Variants in GNAT2 observed in about 807,000 individuals in gnomAD.
The protein encoded by GNAT2 is guanine nucleotide-binding protein G(t) subunit alpha-2.
GNAT2 carries 32 observed loss-of-function variants against 40.9 expected under a neutral mutation model. The observed-to-expected ratio is 0.78, with a 90% CI of 0.59 to 1.05. The LOEUF (loss-of-function observed/expected upper bound fraction) is 1.05, where lower values mean the gene tolerates loss of function less well. GNAT2 is among the 50% of genes least tolerant of loss of function. GNAT2 has a pLI of 0.00. For missense variants in GNAT2, 355 were observed against 431.5 expected, an observed-to-expected ratio of 0.82 and a Z score of 1.57; for synonymous variants, 141 against 157.2, an observed-to-expected ratio of 0.90 and a Z score of 0.77.
intron 4 of GNAT2, 123 bp from the exon 5 acceptor site, chr1:109,608,911 C>G: frequency 1.3e-6 from 1 of 793,612 alleles, no homozygotes; most frequent in Admixed American, 2.0e-5. Flanking sequence ...GAAGCAGTAT[C>G]CAGTGAAGAT....
Position 109,610,520 on chromosome 1 carries a change from A to T in GNAT2, c.119-13T>A. The T allele has an allele frequency of 6.2e-7, 1 of 1,612,638 alleles. No homozygotes were observed. The highest frequency in any genetic ancestry group is 8.5e-7 in the Non-Finnish European group (1 of 1,178,784). On this transcript the variant is annotated splice_polypyrimidine_tract_variant and intron_variant, in intron 2 of 8. Coordinates refer to ENST00000679935, the MANE Select transcript of GNAT2 (RefSeq NM_001377295.2). ...GACTCCCCAGCACCTGGAAGGAAAA[A>T]TGCTTATGCTTTCGATTTCCACCAG... is the stretch of plus-strand genomic sequence containing the variant.
chr1:109,611,135 T>G (rs1649777829), intron 2 of GNAT2: 1 of 159,340 alleles, frequency 6.3e-6, no homozygotes, highest in Non-Finnish European at 1.4e-5. Flanking sequence ...CTCAGTCTCC[T>G]GAGTAGTTGG....
Position 109,606,142 on chromosome 1 carries a change from C to T in GNAT2, c.591-43G>A, listed in dbSNP as rs72987059. 17,917 of 1,610,496 alleles carry T rather than the reference C, an allele frequency of 0.011. 1,441 individuals carry two copies. The African/African-American group carries it at 0.19, about 17-fold the overall frequency. On this transcript the variant is annotated intron_variant, in intron 6 of 8. Transcript: ENST00000679935. ...TATTTTCATAGGTATGCCCAACATA[C>T]GACCTATATGCCTTTGATGGTCACC... is the stretch of plus-strand genomic sequence containing the variant.
chr1:109,606,553 G>T, intron 5 of GNAT2, 117 bp from the exon 6 acceptor site: 1 of 837,328 alleles, frequency 1.2e-6, no homozygotes, highest in Non-Finnish European at 2.0e-6. Flanking sequence ...AGGACTAGAA[G>T]CCATATTGTT....
chr1:109,604,299 T>C lies in GNAT2; in HGVS notation c.721-195A>G. On this transcript the variant is annotated intron_variant, in intron 7 of 8. Transcript: ENST00000679935. ...TAGTTCCCTATCTTTCTAATAGCTG[T>C]GTGACTTGTGGAAAATTATTGAGCT... The C allele has an allele frequency of 6.7e-6, 4 of 598,780 alleles. No homozygotes were observed. In the South Asian group the frequency reaches 7.7e-5, roughly 12 times the overall value. 37.1% of individuals were successfully genotyped at this position (598,780 alleles called of 1,614,324 possible). A position where few individuals can be genotyped will look rare whatever the true frequency, so the allele number is the denominator to read the frequency against.
intron 5 of GNAT2, chr1:109,608,426 T>C (rs528205737): frequency 1.9e-4 from 122 of 632,764 alleles, no homozygotes; most frequent in Non-Finnish European, 3.2e-4. Flanking sequence ...TAGAAAGTCA[T>C]GACAACTGTG....
intron 2 of GNAT2, chr1:109,610,956 T>C (rs1396130204): frequency 1.2e-5 from 3 of 242,150 alleles, no homozygotes; most frequent in South Asian, 5.2e-5. Flanking sequence ...TGGGGTAGGA[T>C]TGGAGAGAGC....
At chr1:109,605,629 G>T in intron 7 of GNAT2, 1 of 344,478 alleles carries the variant, frequency 2.9e-6, no homozygotes, top group East Asian at 7.4e-5. Context: ...TAGGCAATTT[G>T]GGAGAGTACT....
At chr1:109,606,563 T>A in intron 5 of GNAT2, 127 bp from the exon 6 acceptor site, 1 of 788,886 alleles carries the variant, frequency 1.3e-6, no homozygotes, top group Non-Finnish European at 2.2e-6. Flanking sequence ...GCCATATTGT[T>A]AAATTTAGGA....
intron 5 of GNAT2, 175 bp from the exon 6 acceptor site, chr1:109,606,611 G>T: frequency 1.6e-6 from 1 of 612,716 alleles, no homozygotes; most frequent in Non-Finnish European, 3.0e-6. Context: ...TTAACTAGAG[G>T]AAATGGGGGA....
chr1:109,610,495 G>C lies in GNAT2; in HGVS notation c.131C>G (p.Ser44Ter). The change falls in exon 3 of 9, where the codon TCA becomes TGA. Residue 44 changes from serine to a stop codon, truncating the protein, a stop_gained. Coordinates refer to ENST00000679935, the MANE Select transcript of GNAT2 (RefSeq NM_001377295.2). LOFTEE classifies it high-confidence loss of function. The part of the protein sequence containing the change: ...VKLLLLGAGE[S>*]GKSTIVKQMK... ...CTGTTTGACGATGGTGCTCTTTCCT[G>C]ACTCCCCAGCACCTGGAAGGAAAAA... 1 of 1,613,738 alleles carries C rather than the reference G, an allele frequency of 6.2e-7. No homozygotes were observed. Among genetic ancestry groups the C allele is most frequent in the Non-Finnish European group, 8.5e-7 (1 of 1,179,732 alleles).
chr1:109,609,885 C>T, intron 4 of GNAT2, 155 bp downstream of exon 4: 1 of 772,828 alleles, frequency 1.3e-6, no homozygotes. Context: ...AGATGGTATA[C>T]ACAGTACACC....
intron 4 of GNAT2, chr1:109,609,242 G>T (rs1414021178): frequency 5.1e-6 from 1 of 196,986 alleles, no homozygotes. Context: ...ACTTACAAAA[G>T]TTCCATGGCC....
intron 1 of GNAT2, chr1:109,614,786 C>T (rs925692883): frequency 4.6e-5 from 7 of 152,220 alleles, no homozygotes; most frequent in East Asian, 1.9e-4. Flanking sequence ...CTTCCTCCTT[C>T]GCACCACCTT....
chr1:109,604,475 T>G, intron 7 of GNAT2: 1 of 277,460 alleles, frequency 3.6e-6, no homozygotes, highest in Non-Finnish European at 7.1e-6. Context: ...AACTTGACAT[T>G]TTATAAGTAG....
intron 1 of GNAT2, chr1:109,615,355 G>T (rs1649920383): frequency 6.6e-6 from 1 of 152,182 alleles, no homozygotes; most frequent in Non-Finnish European, 1.5e-5. Flanking sequence ...AATTAGGCCG[G>T]GCATGGTGGC....
At chr1:109,607,114 T>A (rs1432148711) in intron 5 of GNAT2, 1 of 151,692 alleles carries the variant, frequency 6.6e-6, no homozygotes, top group Admixed American at 6.6e-5. Flanking sequence ...TACTTTTGTA[T>A]GTTTGAAAGT....
At position 109,606,090 on chromosome 1, in the gene GNAT2, A is replaced by G. The variant is rs1371210426; in HGVS notation, c.600T>C (p.Asp200=). 1.2e-6 allele frequency: 2 copies of G among 1,614,050 alleles called. No individual in the cohort carries two copies. Among genetic ancestry groups the G allele is most frequent in the South Asian group, 2.2e-5 (2 of 91,080 alleles). The change falls in exon 7 of 9, where the codon GAT becomes GAC. Residue 200 remains aspartate, a synonymous_variant. Coordinates refer to ENST00000679935, the MANE Select transcript of GNAT2 (RefSeq NM_001377295.2). The part of the protein sequence containing the change: ...SVKDLNFRMF[D]VGGQRSERKK... The stretch of plus-strand genomic sequence containing the variant: ...TTCTCTCGGATCTCTGCCCTCCCAC[A>G]TCAAACATCCTGAGGGAAGAAGCAG...
chr1:109,610,303 A>C, intron 3 of GNAT2, 122 bp from the exon 4 acceptor site: 1 of 1,277,202 alleles, frequency 7.8e-7, no homozygotes, highest in Non-Finnish European at 1.1e-6. Context: ...TGCTTTCTCA[A>C]AGTGGAGGGT....
Sources: gnomAD v4.1 joint callset for allele counts on GRCh38, gnomAD v4.1.1 for gene constraint, MANE v1.5 for transcripts, NCBI Gene and HGNC (gene_info 2026-07-23, HGNC 2026-07-21) for gene names.